RC3H2: variants seen among roughly 807,000 people sequenced by gnomAD.
RC3H2 encodes the protein roquin-2.
RC3H2 carries 31 observed loss-of-function variants against 133.3 expected under a neutral mutation model. The ratio of observed to expected loss-of-function variants is 0.23; its 90% CI spans 0.17 to 0.31. The LOEUF is 0.31. RC3H2 is among the 10% of genes least tolerant of loss of function. The pLI is 1.00. For synonymous variants in RC3H2, 517 were observed against 502.2 expected (o/e 1.03, Z -0.40); for missense variants, 1,175 against 1,437.2 (o/e 0.82, Z 2.95).
intron 4 of RC3H2, among the ~76,000 whole-genome samples, chr9:122,888,770 T>C (rs994144096): frequency 3.0e-4 from 46 of 152,244 alleles, no homozygotes; most frequent in African/African-American, 9.9e-4. Context: ...ATGTTTGCTA[T>C]TACAAATAGT....
chr9:122,870,947 A>G (rs1249733006), intron 9 of RC3H2, among the ~76,000 whole-genome samples: 1 of 152,238 alleles, frequency 6.6e-6, no homozygotes, highest in Non-Finnish European at 1.5e-5. Flanking sequence ...TAAATAATTC[A>G]TTAATACGCT....
intron 13 of RC3H2, 107 bp downstream of exon 13, chr9:122,857,816 C>T: frequency 1.2e-6 from 1 of 845,678 alleles, no homozygotes. Context: ...AATTGCACAC[C>T]AAACCACTGC....
At chr9:122,852,594 C>T (rs997422177) in intron 18 of RC3H2, among the ~76,000 whole-genome samples, 4 of 150,006 alleles carry the variant, frequency 2.7e-5, no homozygotes, top group African/African-American at 4.9e-5. Flanking sequence ...GGGGGTCAGC[C>T]CCCGGCCCGG....
chr9:122,892,661 C>T (rs543892579), intron 3 of RC3H2, among the ~76,000 whole-genome samples: 44 of 152,276 alleles, frequency 2.9e-4, no homozygotes, highest in African/African-American at 7.9e-4. Flanking sequence ...TCCGCCCGCG[C>T]TGGCCTCCCA....
rs200853537 is a variant in RC3H2, at chr9:122,880,215, G to A, written c.961-90C>T. ...TTCAATTTATCAACATATTTAATAC[G>A]TTTTCAAGTGTCTTCAGATTCCACA... is the stretch of plus-strand genomic sequence containing the variant. On this transcript the variant is annotated intron_variant, in intron 6 of 20. Transcript: ENST00000357244. 1.7e-4 allele frequency: 232 copies of A among 1,380,106 alleles called. 1 individual carries two copies. Among genetic ancestry groups the A allele is most frequent in the Non-Finnish European group, 2.3e-4 (225 of 970,496 alleles). The allele number at this position is 1,380,106 out of a possible 1,614,324, so 85.5% of individuals were successfully genotyped here.
At position 122,905,283 on chromosome 9, in the gene RC3H2, C is replaced by T. The variant is rs1771250802; in HGVS notation, c.-241G>A. The T allele has an allele frequency of 2.0e-6, 2 of 986,018 alleles. No individual in the cohort carries two copies. Among genetic ancestry groups the T allele is most frequent in the Non-Finnish European group, 2.4e-6 (2 of 830,356 alleles). The allele number at this position is 986,018 out of a possible 1,614,324, so 61.1% of individuals were successfully genotyped here. A position where few individuals can be genotyped will look rare whatever the true frequency, so the allele number is the denominator to read the frequency against. The stretch of plus-strand genomic sequence containing the variant: ...CCGTTGGCGGCGGCGAAGGCCGCGA[C>T]GGGGCCTCCTCCTCCTCCCTCCACC... On this transcript the variant is annotated 5_prime_UTR_variant, in exon 1 of 21. Coordinates refer to ENST00000357244, the MANE Select transcript of RC3H2 (RefSeq NM_001100588.3).
chr9:122,891,174 C>T (rs1021239655), intron 3 of RC3H2, among the ~76,000 whole-genome samples: 1 of 151,282 alleles, frequency 6.6e-6, no homozygotes, highest in African/African-American at 2.4e-5. Flanking sequence ...TGAGTGTCAC[C>T]ACACCTGGCT....
intron 9 of RC3H2, among the ~76,000 whole-genome samples, chr9:122,877,098 T>C (rs117457560): frequency 0.014 from 2,152 of 152,270 alleles, 36 homozygotes; most frequent in Non-Finnish European, 0.02. Context: ...TGAGGCAGAG[T>C]CTTGCTGTGT....
In RC3H2 at chr9:122,880,321, T is replaced by C. The variant is rs116363230; in HGVS notation, c.961-196A>G. ...CATCATTAGACACTTAGAAAACTTA[T>C]AAGCTGTATTAACTCTCTGAGGTCA... is the stretch of plus-strand genomic sequence containing the variant. On this transcript the variant is annotated intron_variant, in intron 6 of 20. Transcript: ENST00000357244. The C allele has an allele frequency of 1.1e-3, 865 of 816,020 alleles. 4 individuals are homozygous for C. In the African/African-American group the frequency reaches 0.013, roughly 12 times the overall value. The allele number at this position is 816,020 out of a possible 1,614,324, so 50.5% of individuals were successfully genotyped here. A position where few individuals can be genotyped will look rare whatever the true frequency, so the allele number is the denominator to read the frequency against.
intron 12 of RC3H2, 36 bp downstream of exon 12, chr9:122,858,633 T>G (rs751998148): frequency 6.4e-7 from 1 of 1,553,266 alleles, no homozygotes; most frequent in Non-Finnish European, 8.7e-7. Flanking sequence ...GACACTGGGC[T>G]GTTAATGACT....
At chr9:122,876,807 G>A (rs550669685) in intron 9 of RC3H2, among the ~76,000 whole-genome samples, 2 of 152,060 alleles carry the variant, frequency 1.3e-5, no homozygotes, top group African/African-American at 4.8e-5. Flanking sequence ...CATAGAAAAA[G>A]GGGTTAACCA....
rs573433437 is a variant in RC3H2 at position 122,844,902 on chromosome 9, T to C, written c.*4725A>G. The C allele has an allele frequency of 2.6e-5, 4 of 152,374 alleles. No individual in the cohort carries two copies. The highest frequency in any genetic ancestry group is 4.1e-4 in the South Asian group (2 of 4,832). 9.4% of individuals were successfully genotyped at this position (152,374 alleles called of 1,614,324 possible). ...AAATGGAATAGAATTTATTCCCATA[T>C]ATATTCCCCATTTCATTGTACAGAA... On this transcript the variant is annotated 3_prime_UTR_variant, in exon 21 of 21. Coordinates refer to ENST00000357244, the MANE Select transcript of RC3H2 (RefSeq NM_001100588.3).
Position 122,849,423 on chromosome 9 carries a change from C to G in RC3H2, c.*204G>C, listed in dbSNP as rs959445152. On this transcript the variant is annotated 3_prime_UTR_variant, in exon 21 of 21. Transcript: ENST00000357244. ...CATTTCTGGAAAGTGAACATGTTAC[C>G]CTAGTAAAGTAAATTTTCTTTTTTT... 6.0e-6 allele frequency: 1 copy of G among 166,458 alleles called. No homozygotes were observed. The highest frequency in any genetic ancestry group is 2.4e-5 in the African/African-American group (1 of 41,600). 10.3% of individuals were successfully genotyped at this position (166,458 alleles called of 1,614,324 possible).
intron 9 of RC3H2, among the ~76,000 whole-genome samples, chr9:122,868,837 ATATGTGTGTGTGTGTGTGTGTG>A (rs1166406409): frequency 1.5e-4 from 19 of 122,876 alleles, no homozygotes; most frequent in African/African-American, 2.7e-4. Flanking sequence ...ATTCCCTCCT[ATATGTGTGTGTGTGTGTGTGTG>A]TGTGTGTGTG....
At chr9:122,857,774 C>T in intron 13 of RC3H2, 149 bp downstream of exon 13, 4 of 624,812 alleles carry the variant, frequency 6.4e-6, no homozygotes, top group Non-Finnish European at 1.1e-5. Context: ...AGCCGTAGTG[C>T]ATTTATATTC....
chr9:122,905,314 C>G lies in RC3H2; in HGVS notation c.-272G>C. The G allele has an allele frequency of 1.1e-6, 1 of 879,926 alleles. No homozygotes were observed. The highest frequency in any genetic ancestry group is 1.4e-6 in the Non-Finnish European group (1 of 734,020). The allele number at this position is 879,926 out of a possible 1,614,324, so 54.5% of individuals were successfully genotyped here. A position where few individuals can be genotyped will look rare whatever the true frequency, so the allele number is the denominator to read the frequency against. The stretch of plus-strand genomic sequence containing the variant: ...CTCCTCCTCCTCCCTCCACCTCCGC[C>G]TCCTCCTCCTCCTCCTCCTCACCAC... On this transcript the variant is annotated 5_prime_UTR_variant, in exon 1 of 21. Coordinates refer to ENST00000357244, the MANE Select transcript of RC3H2 (RefSeq NM_001100588.3).
At chr9:122,863,738 A>C (rs536826807) in intron 10 of RC3H2, among the ~76,000 whole-genome samples, 10 of 152,068 alleles carry the variant, frequency 6.6e-5, no homozygotes, top group Non-Finnish European at 1.5e-4. Flanking sequence ...AGATTGTAAA[A>C]GTCCTTTTTT....
intron 10 of RC3H2, among the ~76,000 whole-genome samples, chr9:122,863,692 T>G (rs560611582): frequency 1.2e-4 from 18 of 152,308 alleles, no homozygotes; most frequent in Non-Finnish European, 2.6e-4. Flanking sequence ...TAGACCATGT[T>G]CTCAAATATA....
chr9:122,871,426 G>C (rs1279037142), intron 9 of RC3H2, among the ~76,000 whole-genome samples: 1 of 151,536 alleles, frequency 6.6e-6, no homozygotes, highest in Non-Finnish European at 1.5e-5. Flanking sequence ...GCCTCCCGAG[G>C]AGCTGGTACT....
Sources: allele counts gnomAD v4.1 joint callset (sites outside exome capture counted in the v4.1 genomes callset), GRCh38; gene constraint gnomAD v4.1.1; transcripts MANE v1.5; gene names NCBI Gene and HGNC (gene_info 2026-07-23, HGNC 2026-07-21).